RIC8B: variants seen among roughly 807,000 people sequenced by gnomAD.
RIC8B encodes the protein chaperone Ric-8B.
RIC8B carries 16 observed loss-of-function variants against 57.5 expected under a neutral mutation model. The ratio of observed to expected loss-of-function variants is 0.28; its 90% CI spans 0.19 to 0.42. The LOEUF (loss-of-function observed/expected upper bound fraction) is 0.42. Among genes scored for constraint, RIC8B ranks in the 10% least tolerant of loss-of-function variants. The pLI is 1.00. For missense variants in RIC8B, 481 were observed against 677.0 expected (o/e 0.71, Z 3.21); for synonymous variants, 216 against 250.8 (o/e 0.86, Z 1.31).
rs1381919398 is a variant in RIC8B at position 106,867,158 on chromosome 12, AAG to A, written c.1452-3662_1452-3661del. 2.0e-5 allele frequency among the ~76,000 whole-genome samples: 3 copies of A among 152,200 alleles called. No homozygotes were observed. The highest frequency in any genetic ancestry group is 7.2e-5 in the African/African-American group (3 of 41,454). On this transcript the variant is annotated intron_variant, in intron 8 of 9. Coordinates refer to ENST00000392837, the MANE Select transcript of RIC8B (RefSeq NM_001330145.2). This position sits in a 1 kb window ranked among gnomAD's most constrained non-coding sequence, Gnocchi z 4.3. ...GCCAAAGGTAGCAAAAATTTGAAGA[AAG>A]AGCAAAAGACTTGAAATACAGTTCA...
At chr12:106,781,196 C>T (rs1166147630) in intron 1 of RIC8B, among the ~76,000 whole-genome samples, 1 of 152,052 alleles carries the variant, frequency 6.6e-6, no homozygotes, top group African/African-American at 2.4e-5. Context: ...GCCATCTGTC[C>T]ACCTCAGCCC....
intron 2 of RIC8B, among the ~76,000 whole-genome samples, chr12:106,793,620 C>T (rs1379932064): frequency 6.6e-6 from 1 of 152,100 alleles, no homozygotes; most frequent in Non-Finnish European, 1.5e-5. Flanking sequence ...TTTTTGAAGA[C>T]AGTAGATCAG....
chr12:106,816,183 T>C (rs894630346), intron 3 of RIC8B, among the ~76,000 whole-genome samples: 4 of 152,162 alleles, frequency 2.6e-5, no homozygotes, highest in African/African-American at 9.7e-5. Context: ...AAAGAGATTT[T>C]TGGTTCCAGA....
chr12:106,784,407 G>A (rs775086618), intron 2 of RIC8B, among the ~76,000 whole-genome samples: 19 of 152,134 alleles, frequency 1.2e-4, no homozygotes, highest in Non-Finnish European at 1.9e-4. Flanking sequence ...GCAAGGTCTC[G>A]CTCTATCACC....
intron 4 of RIC8B, among the ~76,000 whole-genome samples, chr12:106,839,879 A>C (rs2046790426): frequency 6.6e-6 from 1 of 151,982 alleles, no homozygotes; most frequent in South Asian, 2.1e-4. Flanking sequence ...AGCAAGGGGC[A>C]TGGTGGCGTG....
At chr12:106,819,534 T>G (rs1397459741) in intron 3 of RIC8B, among the ~76,000 whole-genome samples, 1 of 152,048 alleles carries the variant, frequency 6.6e-6, no homozygotes, top group African/African-American at 2.4e-5. Context: ...GGAGCATGGC[T>G]TGAGCCCAGG....
At chr12:106,775,457 T>C (rs899640195) in intron 1 of RIC8B, 1 of 431,188 alleles carries the variant, frequency 2.3e-6, no homozygotes, top group Non-Finnish European at 4.7e-6. Flanking sequence ...CTCCTAATGA[T>C]ACCTGTTATT....
chr12:106,885,233 G>A (rs547822362), intron 9 of RIC8B, among the ~76,000 whole-genome samples: 130 of 152,216 alleles, frequency 8.5e-4, no homozygotes, highest in African/African-American at 2.8e-3. Flanking sequence ...CGGCAGTTGC[G>A]GAGCTTTGAA....
intron 2 of RIC8B, among the ~76,000 whole-genome samples, chr12:106,813,789 G>GGTGATTTTC (rs772000331): frequency 1.2e-4 from 18 of 152,040 alleles, no homozygotes; most frequent in Non-Finnish European, 2.4e-4. Flanking sequence ...AGAAATGTTC[G>GGTGATTTTC]GTGATAGAGT....
At chr12:106,797,077 G>A (rs769420455) in intron 2 of RIC8B, among the ~76,000 whole-genome samples, 2 of 152,156 alleles carry the variant, frequency 1.3e-5, no homozygotes, top group Non-Finnish European at 2.9e-5. Flanking sequence ...ATGTAGTATG[G>A]TGCAGCACTT....
chr12:106,787,623 C>T (rs951304882), intron 2 of RIC8B, among the ~76,000 whole-genome samples: 2 of 151,910 alleles, frequency 1.3e-5, no homozygotes, highest in Admixed American at 6.6e-5. Context: ...GGTGAAAGGC[C>T]CTGCTTGCAT....
At chr12:106,836,498 T>G (rs2046605560) in intron 4 of RIC8B, among the ~76,000 whole-genome samples, 1 of 152,176 alleles carries the variant, frequency 6.6e-6, no homozygotes, top group Non-Finnish European at 1.5e-5. Flanking sequence ...TCTTGCAGTG[T>G]TTCCCATTTT....
At chr12:106,840,187 A>G (rs2046806717) in intron 4 of RIC8B, among the ~76,000 whole-genome samples, 1 of 152,132 alleles carries the variant, frequency 6.6e-6, no homozygotes, top group African/African-American at 2.4e-5. Flanking sequence ...GTGCCATATC[A>G]TGTTCTTCAG....
At chr12:106,850,627 A>T (rs886189004) in intron 6 of RIC8B, among the ~76,000 whole-genome samples, 1 of 152,222 alleles carries the variant, frequency 6.6e-6, no homozygotes, top group Non-Finnish European at 1.5e-5. Flanking sequence ...CAGGGATGAG[A>T]GTGATGTTAC....
intron 8 of RIC8B, among the ~76,000 whole-genome samples, chr12:106,869,309 T>TAGTA (rs1950285653): frequency 6.6e-6 from 1 of 152,108 alleles, no homozygotes; most frequent in Non-Finnish European, 1.5e-5. Context: ...TAACAGTACG[T>TAGTA]AGTAAGCAAG....
Position 106,886,067 on chromosome 12 carries a change from T to C in RIC8B, c.*52T>C. The C allele has an allele frequency of 4.0e-6, 5 of 1,254,896 alleles. No individual in the cohort carries two copies. Among genetic ancestry groups the C allele is most frequent in the Non-Finnish European group, 5.8e-6 (5 of 856,796 alleles). The allele number at this position is 1,254,896 out of a possible 1,614,324, so 77.7% of individuals were successfully genotyped here. A position where few individuals can be genotyped will look rare whatever the true frequency, so the allele number is the denominator to read the frequency against. On this transcript the variant is annotated 3_prime_UTR_variant, in exon 10 of 10. Transcript: ENST00000392837. ...TTGCTTTATCAGCATCTTTTCTCTG[T>C]AGCTCCAGGGGAATCTTTTCTCTAA...
At chr12:106,798,143 G>A (rs1458565321) in intron 2 of RIC8B, 2 of 597,846 alleles carry the variant, frequency 3.3e-6, no homozygotes, top group Non-Finnish European at 6.2e-6. Flanking sequence ...TAGGCATATC[G>A]TAGATCTTTT....
At chr12:106,857,284 G>A (rs947320660) in intron 7 of RIC8B, among the ~76,000 whole-genome samples, 3 of 152,172 alleles carry the variant, frequency 2.0e-5, no homozygotes. Flanking sequence ...TACAGCATTT[G>A]ACTAGAAGGA....
chr12:106,851,695 A>G (rs1200663704), intron 7 of RIC8B, 101 bp downstream of exon 7: 4 of 1,019,010 alleles, frequency 3.9e-6, no homozygotes, highest in Middle Eastern at 3.2e-4. Flanking sequence ...CATTCTTTCC[A>G]AAGCTTACTG....
Sources: allele counts gnomAD v4.1 joint callset (sites outside exome capture counted in the v4.1 genomes callset), GRCh38; gene constraint gnomAD v4.1.1; non-coding constraint Gnocchi (gnomAD v3.1); transcripts MANE v1.5; gene names NCBI Gene and HGNC (gene_info 2026-07-23, HGNC 2026-07-21).